Variants in RGS6 observed in about 807,000 individuals in gnomAD.
The protein encoded by RGS6 is regulator of G-protein signaling 6.
Under a neutral mutation model 78.5 loss-of-function variants are expected in RGS6, and 30 were observed. That is an observed-to-expected ratio of 0.38 (90% CI 0.29 to 0.52). RGS6 has a LOEUF of 0.52. Among genes scored for constraint, RGS6 ranks in the 20% least tolerant of loss-of-function variants. The pLI is 0.85. For missense variants in RGS6, 495 were observed against 609.7 expected (o/e 0.81, Z 1.98); for synonymous variants, 206 against 206.0 (o/e 1.00, Z 0.00).
intron 7 of RGS6, among the ~76,000 whole-genome samples, chr14:72,466,788 A>C (rs1039411287): frequency 6.6e-5 from 10 of 152,240 alleles, no homozygotes; most frequent in Non-Finnish European, 1.5e-4. Context: ...GGTTGTATGA[A>C]TCTATACATG....
intron 2 of RGS6, among the ~76,000 whole-genome samples, chr14:72,123,595 C>T (rs2096112842): frequency 6.6e-6 from 1 of 152,140 alleles, no homozygotes; most frequent in South Asian, 2.1e-4. Context: ...AGAAATCACA[C>T]TTAGAATCAG....
intron 3 of RGS6, among the ~76,000 whole-genome samples, chr14:72,363,522 G>A (rs1359871046): frequency 6.6e-6 from 1 of 152,114 alleles, no homozygotes; most frequent in Admixed American, 6.6e-5. Context: ...TGTTCCTCTG[G>A]GCCACCCGTG....
chr14:72,507,749 A>G (rs1349455289), intron 13 of RGS6, among the ~76,000 whole-genome samples: 1 of 152,198 alleles, frequency 6.6e-6, no homozygotes, highest in Admixed American at 6.5e-5. Context: ...AGTCTGAGTG[A>G]ATTTCTACAG....
chr14:72,494,888 G>A (rs1168412889), intron 12 of RGS6, among the ~76,000 whole-genome samples: 1 of 152,076 alleles, frequency 6.6e-6, no homozygotes, highest in African/African-American at 2.4e-5. Flanking sequence ...ATGCACCAAG[G>A]TTCAGGTAAA....
chr14:72,253,319 A>G (rs1473282510), intron 2 of RGS6, among the ~76,000 whole-genome samples: 1 of 152,242 alleles, frequency 6.6e-6, no homozygotes, highest in Non-Finnish European at 1.5e-5. Flanking sequence ...TGAGTAGGAA[A>G]TAAAGCTTTC....
intron 15 of RGS6, among the ~76,000 whole-genome samples, chr14:72,527,005 G>T (rs1207775733): frequency 6.6e-6 from 1 of 152,204 alleles, no homozygotes; most frequent in Non-Finnish European, 1.5e-5. Flanking sequence ...ACAGACTTAT[G>T]ACTTCCTAAG....
intron 1 of RGS6, among the ~76,000 whole-genome samples, chr14:71,952,979 T>C (rs903690449): frequency 6.6e-6 from 1 of 152,196 alleles, no homozygotes; most frequent in Non-Finnish European, 1.5e-5. Flanking sequence ...TTGGCAACGC[T>C]TCTCTGTCAC....
At chr14:72,105,482 C>T (rs1262894912) in intron 2 of RGS6, among the ~76,000 whole-genome samples, 1 of 152,146 alleles carries the variant, frequency 6.6e-6, no homozygotes, top group African/African-American at 2.4e-5. Flanking sequence ...CTTGAGGGTG[C>T]CCTCTGCTAT....
chr14:72,381,060 A>G (rs916151135), intron 3 of RGS6, among the ~76,000 whole-genome samples: 3 of 152,144 alleles, frequency 2.0e-5, no homozygotes, highest in Admixed American at 6.5e-5. Context: ...ATATTATGCT[A>G]AGTGAAATAA....
At chr14:72,127,615 A>C (rs568674381) in intron 2 of RGS6, among the ~76,000 whole-genome samples, 1 of 152,288 alleles carries the variant, frequency 6.6e-6, no homozygotes, top group African/African-American at 2.4e-5. Flanking sequence ...CTTAAAAAAA[A>C]CCATTTAATT....
At position 72,014,396 on chromosome 14, in the gene RGS6, A is replaced by G. The variant is rs2238267; in HGVS notation, c.84+49521A>G. Among the ~76,000 whole-genome samples, 79 of 152,310 alleles carry G rather than the reference A, an allele frequency of 5.2e-4. No homozygotes were observed. In the East Asian group the frequency reaches 0.012, roughly 22 times the overall value. On this transcript the variant is annotated intron_variant, in intron 2 of 17. Coordinates refer to ENST00000553525, the MANE Select transcript of RGS6 (RefSeq NM_001204424.2). ...ACATTTCCGGAATCCTTTAAAAATTACCTTTAAAGCATGTGGCACATTCTT... is the reference window on the plus strand; with the variant it reads ...ACATTTCCGGAATCCTTTAAAAATTGCCTTTAAAGCATGTGGCACATTCTT...
intron 3 of RGS6, among the ~76,000 whole-genome samples, chr14:72,379,137 T>G (rs2085432452): frequency 6.6e-6 from 1 of 152,088 alleles, no homozygotes. Context: ...CAACATCCCA[T>G]CATGATAAAA....
intron 12 of RGS6, among the ~76,000 whole-genome samples, chr14:72,480,759 G>GCACATC (rs1566949287): frequency 6.6e-6 from 1 of 152,080 alleles, no homozygotes; most frequent in Admixed American, 6.5e-5. Flanking sequence ...AGGTGGGCAC[G>GCACATC]CACATCCACA....
intron 2 of RGS6, among the ~76,000 whole-genome samples, chr14:72,264,517 A>G (rs1407687658): frequency 6.6e-6 from 1 of 152,248 alleles, no homozygotes; most frequent in African/African-American, 2.4e-5. Context: ...TACTCTCACC[A>G]AAGAAGATTT....
chr14:72,357,535 G>A (rs183765219), intron 3 of RGS6, among the ~76,000 whole-genome samples: 3 of 152,338 alleles, frequency 2.0e-5, no homozygotes, highest in Non-Finnish European at 2.9e-5. Flanking sequence ...AAACTTGTTA[G>A]GAACTGGAGC....
the RGS6 span, among the ~76,000 whole-genome samples, chr14:71,872,623 G>T: frequency 2.0e-5 from 3 of 151,838 alleles, no homozygotes; most frequent in African/African-American, 7.3e-5. Flanking sequence ...ATATCAGTAA[G>T]TTTTTTTTGT....
chr14:72,439,610 C>A (rs1339080028), intron 3 of RGS6, among the ~76,000 whole-genome samples: 1 of 152,242 alleles, frequency 6.6e-6, no homozygotes, highest in Non-Finnish European at 1.5e-5. Context: ...TCCTCCACAT[C>A]TGAGCTGGAC....
the RGS6 span, among the ~76,000 whole-genome samples, chr14:71,891,510 T>A: frequency 3.3e-3 from 497 of 152,316 alleles, 4 homozygotes; most frequent in African/African-American, 0.012. Flanking sequence ...ACATGGCAAC[T>A]GGCTTCTCTG....
chr14:72,156,562 A>G (rs986107923), intron 2 of RGS6, among the ~76,000 whole-genome samples: 1 of 152,052 alleles, frequency 6.6e-6, no homozygotes, highest in Non-Finnish European at 1.5e-5. Flanking sequence ...TGGTGGTAGC[A>G]GGAGTTTCAG....
Sources: gnomAD v4.1 joint callset for allele counts (sites outside exome capture counted in the v4.1 genomes callset) on GRCh38, gnomAD v4.1.1 for gene constraint, MANE v1.5 for transcripts, NCBI Gene and HGNC (gene_info 2026-07-23, HGNC 2026-07-21) for gene names.